The following SHOC2 variants were observed in gnomAD, a reference collection of about 807,000 sequenced individuals.
SHOC2 encodes the protein leucine-rich repeat protein SHOC-2.
A neutral mutation model predicts 50.2 loss-of-function variants in SHOC2; 4 were observed. The ratio of observed to expected loss-of-function variants is 0.08; its 90% CI spans 0.04 to 0.18. SHOC2 has a LOEUF of 0.18. Ranked by LOEUF, SHOC2 falls within the 10% of genes least tolerant of loss-of-function variation. The probability of loss-of-function intolerance (pLI) is 1.00; values close to 1 mark genes in which losing one functional copy is unlikely to be tolerated. For missense variants in SHOC2, 388 were observed against 669.6 expected (o/e 0.58, Z 4.64); for synonymous variants, 218 against 244.5 (o/e 0.89, Z 1.01).
At chr10:110,945,748 G>C (rs1227118296) in intron 1 of SHOC2, among the ~76,000 whole-genome samples, 1 of 152,026 alleles carries the variant, frequency 6.6e-6, no homozygotes, top group Admixed American at 6.6e-5. Context: ...TTTTCACCTT[G>C]CTTGAAATCT....
intron 1 of SHOC2, among the ~76,000 whole-genome samples, chr10:110,940,933 TTTTTTTTTTTTTTTTG>T (rs1847129165): frequency 3.3e-5 from 1 of 30,238 alleles, no homozygotes; most frequent in African/African-American, 1.0e-4. Context: ...TTTTTTTTTT[TTTTTTTTTTTTTTTTG>T]TGACAGGGTC....
chr10:111,011,256 T>G (rs149101358), intron 8 of SHOC2, among the ~76,000 whole-genome samples: 4 of 152,178 alleles, frequency 2.6e-5, no homozygotes, highest in African/African-American at 9.6e-5. Context: ...TTTTAAAATA[T>G]ATATAAGTAA....
chr10:110,921,296 C>T (rs747407723), intron 1 of SHOC2, among the ~76,000 whole-genome samples: 8 of 152,120 alleles, frequency 5.3e-5, no homozygotes, highest in Admixed American at 1.3e-4. Context: ...TATGATAAGC[C>T]TTTTGTCTTT....
At chr10:110,940,101 A>T (rs1010404886) in intron 1 of SHOC2, among the ~76,000 whole-genome samples, 1 of 152,216 alleles carries the variant, frequency 6.6e-6, no homozygotes, top group African/African-American at 2.4e-5. Context: ...GCAGAATGAT[A>T]AAAGTTATTA....
intron 3 of SHOC2, among the ~76,000 whole-genome samples, chr10:110,997,314 T>C (rs1171588096): frequency 2.0e-5 from 3 of 152,208 alleles, no homozygotes; most frequent in Non-Finnish European, 4.4e-5. Context: ...AAAATGACTT[T>C]AGAACTATAG....
chr10:110,958,239 G>A (rs1203578263), intron 1 of SHOC2, among the ~76,000 whole-genome samples: 1 of 146,878 alleles, frequency 6.8e-6, no homozygotes, highest in Non-Finnish European at 1.5e-5. Context: ...TTTTTAAGAC[G>A]GAGTCTTGCT....
intron 2 of SHOC2, among the ~76,000 whole-genome samples, chr10:110,984,134 G>C (rs1209330315): frequency 1.3e-5 from 2 of 152,088 alleles, no homozygotes; most frequent in Non-Finnish European, 2.9e-5. Context: ...ATGCACAAAG[G>C]TTCCGATTTC....
intron 5 of SHOC2, among the ~76,000 whole-genome samples, chr10:111,005,865 C>G (rs1263760205): frequency 6.6e-6 from 1 of 152,186 alleles, no homozygotes; most frequent in Non-Finnish European, 1.5e-5. Flanking sequence ...GTTCTTTAAA[C>G]TATAATCTTA....
intron 2 of SHOC2, among the ~76,000 whole-genome samples, chr10:110,967,132 CT>C (rs1441951369): frequency 6.6e-6 from 1 of 152,122 alleles, no homozygotes; most frequent in Non-Finnish European, 1.5e-5. Flanking sequence ...TCCGTGTATA[CT>C]TTAATTATAC....
chr10:110,970,117 C>T (rs909416752), intron 2 of SHOC2, among the ~76,000 whole-genome samples: 1 of 152,122 alleles, frequency 6.6e-6, no homozygotes, highest in African/African-American at 2.4e-5. Context: ...TGTTACAGAA[C>T]AGTAGAATTT....
At chr10:110,981,987 C>T (rs1416763934) in intron 2 of SHOC2, among the ~76,000 whole-genome samples, 11 of 133,052 alleles carry the variant, frequency 8.3e-5, no homozygotes, top group Non-Finnish European at 1.6e-4. Flanking sequence ...GTATATCTCC[C>T]GATGCTATCC....
rs1847646442 is a variant in SHOC2, at chr10:110,964,989, A to G, written c.631A>G (p.Ile211Val). Reference sequence around the variant, plus strand: ...TCGTATAACTACTGTGGAAAAGGACATCAAAAACTTGTCAAAACTCAGCAT... The same window carrying G: ...TCGTATAACTACTGTGGAAAAGGACGTCAAAAACTTGTCAAAACTCAGCAT... ...FNRITTVEKD[I>V]KNLSKLSMLS... The change falls in exon 2 of 9, where the codon ATC (isoleucine) becomes GTC (valine). Residue 211 changes from isoleucine (I) to valine (V), a missense_variant. Around this residue, in one of 5 missense-constraint regions of SHOC2, gnomAD observed 88 missense variants for 147.2 expected, o/e 0.60. Coordinates refer to ENST00000369452, the MANE Select transcript of SHOC2 (RefSeq NM_007373.4). This position sits in a 1 kb window ranked among gnomAD's most constrained non-coding sequence, Gnocchi z 4.9. 1 of 1,613,708 alleles carries G rather than the reference A, an allele frequency of 6.2e-7. No homozygotes were observed. The highest frequency in any genetic ancestry group is 1.1e-5 in the South Asian group (1 of 91,082).
chr10:111,002,789 A>G (rs1486651087), intron 4 of SHOC2, among the ~76,000 whole-genome samples: 1 of 152,212 alleles, frequency 6.6e-6, no homozygotes, highest in Non-Finnish European at 1.5e-5. Context: ...CAAAAAAAAA[A>G]AAATGATAAG....
At chr10:110,985,596 C>T (rs1848062009) in intron 2 of SHOC2, 32 bp from the exon 3 acceptor site, 1 of 1,530,948 alleles carries the variant, frequency 6.5e-7, no homozygotes, top group Admixed American at 1.7e-5. Context: ...TTTAATAATG[C>T]TTATTGAATT....
At chr10:110,982,426 G>A (rs1388442026) in intron 2 of SHOC2, among the ~76,000 whole-genome samples, 19 of 151,802 alleles carry the variant, frequency 1.3e-4, no homozygotes, top group Admixed American at 8.5e-4. Flanking sequence ...CTGAGGAATC[G>A]CCACACTGAC....
At chr10:110,971,783 C>T (rs1847787515) in intron 2 of SHOC2, among the ~76,000 whole-genome samples, 1 of 152,026 alleles carries the variant, frequency 6.6e-6, no homozygotes, top group South Asian at 2.1e-4. Context: ...TAAGAATCAG[C>T]ATTTTAAAAA....
chr10:110,979,893 G>GTTA (rs1847942297), intron 2 of SHOC2, among the ~76,000 whole-genome samples: 1 of 151,766 alleles, frequency 6.6e-6, no homozygotes. Context: ...TTTTGTTGTT[G>GTTA]TTCTGATTCT....
chr10:110,972,214 G>A (rs549742037), intron 2 of SHOC2, among the ~76,000 whole-genome samples: 1 of 151,202 alleles, frequency 6.6e-6, no homozygotes, highest in Admixed American at 6.6e-5. Context: ...CTTTATTTTA[G>A]TACAGCATTA....
At chr10:110,969,994 G>A (rs966033636) in intron 2 of SHOC2, among the ~76,000 whole-genome samples, 1 of 152,086 alleles carries the variant, frequency 6.6e-6, no homozygotes, top group Admixed American at 6.5e-5. Flanking sequence ...ATGGTAATTA[G>A]CACATCCGTC....
Sources: allele counts gnomAD v4.1 joint callset (sites outside exome capture counted in the v4.1 genomes callset), GRCh38; gene constraint gnomAD v4.1.1; regional missense constraint gnomAD v4.1.1; non-coding constraint Gnocchi (gnomAD v3.1); transcripts MANE v1.5; gene names NCBI Gene and HGNC (gene_info 2026-07-23, HGNC 2026-07-21).